OTUD4: variants seen among roughly 807,000 people sequenced by gnomAD.
OTUD4 encodes the protein OTU domain-containing protein 4.
OTUD4 carries 24 observed loss-of-function variants against 130.4 expected under a neutral mutation model. The ratio of observed to expected loss-of-function variants is 0.18; its 90% CI spans 0.13 to 0.26. The LOEUF (loss-of-function observed/expected upper bound fraction) is 0.26, where lower values mean the gene tolerates loss of function less well. Among genes scored for constraint, OTUD4 ranks in the 10% least tolerant of loss-of-function variants. The pLI is 1.00. For synonymous variants in OTUD4, 420 were observed against 472.5 expected, an observed-to-expected ratio of 0.89 and a Z score of 1.44; for missense variants, 1,031 against 1,329.4, an observed-to-expected ratio of 0.78 and a Z score of 3.49.
intron 20 of OTUD4, among the ~76,000 whole-genome samples, chr4:145,139,231 C>T (rs1161888044): frequency 6.6e-6 from 1 of 152,156 alleles, no homozygotes; most frequent in African/African-American, 2.4e-5. Flanking sequence ...TTAAAATCAA[C>T]ATTAAATACA....
chr4:145,174,519 T>C, intron 2 of OTUD4, 142 bp downstream of exon 2: 1 of 584,520 alleles, frequency 1.7e-6, no homozygotes, highest in East Asian at 2.8e-5. Context: ...TAGATTAAGT[T>C]CAATAGAGAA....
Position 145,179,795 on chromosome 4 carries a change from C to T in OTUD4, c.159+20G>A. ...CGTCCCCGCCTCCCCTCGAAGCCCT[C>T]CCCGCCCCCCCGCAATTACCTGCTC... On this transcript the variant is annotated intron_variant, in intron 1 of 20. Coordinates refer to ENST00000447906, the MANE Select transcript of OTUD4 (RefSeq NM_001366057.1). 7.1e-7 allele frequency: 1 copy of T among 1,415,776 alleles called. No individual in the cohort carries two copies. The highest frequency in any genetic ancestry group is 2.1e-5 in the Admixed American group (1 of 48,308). The allele number at this position is 1,415,776 out of a possible 1,614,324, so 87.7% of individuals were successfully genotyped here.
intron 1 of OTUD4, among the ~76,000 whole-genome samples, chr4:145,176,766 G>C (rs973769647): frequency 1.3e-5 from 2 of 152,136 alleles, no homozygotes; most frequent in Admixed American, 6.5e-5. Context: ...AGAGCATTTG[G>C]GAAAAGGGAG....
rs1355689375 is a variant in OTUD4 at position 145,137,271 on chromosome 4, C to T, written c.*159G>A. The T allele has an allele frequency of 1.7e-6, 1 of 595,564 alleles. No homozygotes were observed. The allele number at this position is 595,564 out of a possible 1,614,324, so 36.9% of individuals were successfully genotyped here. A position where few individuals can be genotyped will look rare whatever the true frequency, so the allele number is the denominator to read the frequency against. On this transcript the variant is annotated 3_prime_UTR_variant, in exon 21 of 21. Transcript: ENST00000447906. The stretch of plus-strand genomic sequence containing the variant: ...AGGAATTAACCTGCCCCCTTGAACT[C>T]ATGTCCAAAATGTCTTGTCCAGTAT...
chr4:145,155,812 A>G (rs947365219), intron 8 of OTUD4, 124 bp downstream of exon 8: 1 of 991,108 alleles, frequency 1.0e-6, no homozygotes, highest in Non-Finnish European at 1.5e-6. Context: ...CACCAAATCA[A>G]TTTCTGAGTA....
At position 145,135,454 on chromosome 4, in the gene OTUD4, G is replaced by T. The variant is rs1184856690; in HGVS notation, c.*1976C>A. 1 of 152,118 alleles carries T rather than the reference G, an allele frequency of 6.6e-6. No homozygotes were observed. Among genetic ancestry groups the T allele is most frequent in the African/African-American group, 2.4e-5 (1 of 41,426 alleles). 9.4% of individuals were successfully genotyped at this position (152,118 alleles called of 1,614,324 possible). A position where few individuals can be genotyped will look rare whatever the true frequency, so the allele number is the denominator to read the frequency against. ...CAAACACATTGAACTTTCAAATCTG[G>T]TGTTTGTATCAAAATGTGATTTTCA... On this transcript the variant is annotated 3_prime_UTR_variant, in exon 21 of 21. Transcript: ENST00000447906.
chr4:145,139,804 G>A (rs542370563), intron 20 of OTUD4, 147 bp downstream of exon 20: 5 of 351,492 alleles, frequency 1.4e-5, no homozygotes, highest in East Asian at 8.6e-5. Flanking sequence ...AAAAACAAAC[G>A]ATATAGTACT....
In OTUD4 at chr4:145,135,565, C is replaced by G. The variant is rs1332257062; in HGVS notation, c.*1865G>C. 1.3e-5 allele frequency: 2 copies of G among 152,336 alleles called. No individual in the cohort carries two copies. Among genetic ancestry groups the G allele is most frequent in the Non-Finnish European group, 2.9e-5 (2 of 68,022 alleles). 9.4% of individuals were successfully genotyped at this position (152,336 alleles called of 1,614,324 possible). A position where few individuals can be genotyped will look rare whatever the true frequency, so the allele number is the denominator to read the frequency against. ...ATCTTCTCATTCCTTAACTGAGCCA[C>G]CGATGTTAAGAAAAAAATGGCTTAA... On this transcript the variant is annotated 3_prime_UTR_variant, in exon 21 of 21. Transcript: ENST00000447906.
rs868720796 is a variant in OTUD4, at chr4:145,163,877, T to C, written c.414+277A>G. ...ATGTGCCACCACGCCCGGCTAATTT[T>C]GTATTTTTTCAGTAGAGACAGGGTT... On this transcript the variant is annotated intron_variant, in intron 5 of 20. Transcript: ENST00000447906. Among the ~76,000 whole-genome samples, 6 of 152,106 alleles carry C rather than the reference T, an allele frequency of 3.9e-5. 1 individual carries two copies. Among genetic ancestry groups the C allele is most frequent in the African/African-American group, 7.2e-5 (3 of 41,504 alleles).
intron 18 of OTUD4, among the ~76,000 whole-genome samples, chr4:145,141,930 C>T (rs900244975): frequency 4.6e-5 from 7 of 152,144 alleles, no homozygotes; most frequent in Non-Finnish European, 7.4e-5. Context: ...AGCATCAAAC[C>T]GTGGTGCTAA....
rs1752632471 is a variant in OTUD4, at chr4:145,180,299, G to C, written c.-326C>G. The stretch of plus-strand genomic sequence containing the variant: ...GCCTCGCTGCCTGACTCAGGACCCA[G>C]GCCGGGGGTCGCCGCCCCCACAAGT... On this transcript the variant is annotated 5_prime_UTR_variant, in exon 1 of 21. Coordinates refer to ENST00000447906, the MANE Select transcript of OTUD4 (RefSeq NM_001366057.1). The C allele has an allele frequency of 6.5e-6, 1 of 153,076 alleles. No individual in the cohort carries two copies. Among genetic ancestry groups the C allele is most frequent in the South Asian group, 2.1e-4 (1 of 4,850 alleles). The allele number at this position is 153,076 out of a possible 1,614,324, so 9.5% of individuals were successfully genotyped here. A position where few individuals can be genotyped will look rare whatever the true frequency, so the allele number is the denominator to read the frequency against.
At chr4:145,141,754 C>T (rs935716112) in intron 18 of OTUD4, 115 bp from the exon 19 acceptor site, 8 of 895,566 alleles carry the variant, frequency 8.9e-6, no homozygotes, top group African/African-American at 6.8e-5. Flanking sequence ...TAAAGTAGTA[C>T]CTTTTAGTAT....
chr4:145,157,684 C>CAAAAAAAAAAAAAAAAAAAAAAAAAAAA (rs923938636), intron 7 of OTUD4, among the ~76,000 whole-genome samples: 1 of 44,090 alleles, frequency 2.3e-5, no homozygotes, highest in Non-Finnish European at 4.7e-5. Flanking sequence ...AACTCCGTCT[C>CAAAAAAAAAAAAAAAAAAAAAAAAAAAA]AAAAAAAAAA....
At chr4:145,143,845 A>G (rs1750697173) in intron 16 of OTUD4, 101 bp downstream of exon 16, 1 of 843,806 alleles carries the variant, frequency 1.2e-6, no homozygotes, top group Non-Finnish European at 1.9e-6. Flanking sequence ...ATACACAGCT[A>G]TAAAATTTCG....
At chr4:145,174,370 T>G (rs548365007) in intron 2 of OTUD4, among the ~76,000 whole-genome samples, 5 of 152,030 alleles carry the variant, frequency 3.3e-5, no homozygotes, top group South Asian at 2.1e-4. Flanking sequence ...CAAAGCCCAC[T>G]CTTAGTATGC....
At chr4:145,142,114 G>A in intron 18 of OTUD4, 82 bp downstream of exon 18, 1 of 1,242,350 alleles carries the variant, frequency 8.0e-7, no homozygotes, top group Non-Finnish European at 1.2e-6. Flanking sequence ...CCTGCTCAGA[G>A]GTCAAACTTC....
intron 3 of OTUD4, among the ~76,000 whole-genome samples, chr4:145,165,539 G>GTGAT (rs537964794): frequency 7.7e-4 from 117 of 152,106 alleles, no homozygotes; most frequent in South Asian, 3.7e-3. Context: ...GTGCAGCGGC[G>GTGAT]TGATCTCGGC....
At position 145,137,657 on chromosome 4, in the gene OTUD4, T is replaced by G. The variant is rs1010509118; in HGVS notation, c.3118A>C (p.Lys1040Gln). 2 of 1,613,710 alleles carry G rather than the reference T, an allele frequency of 1.2e-6. No homozygotes were observed. The highest frequency in any genetic ancestry group is 2.7e-5 in the African/African-American group (2 of 74,864). Residue 1040 changes from lysine to glutamine, a missense_variant, in exon 21 of 21, where the codon AAG (lysine) becomes CAG (glutamine). Lys to Gln is a moderately conservative substitution (Grantham distance 53). Coordinates refer to ENST00000447906, the MANE Select transcript of OTUD4 (RefSeq NM_001366057.1). ...VSNILRSGRS[K>Q]QFYNQTYGSR... ...CCATAAGTTTGATTATAGAACTGCT[T>G]GGATCTACCACTTCTCAAAATATTA...
rs1388644208 is a variant in OTUD4 at position 145,180,588 on chromosome 4, G to A, written c.-615C>T. ...TTTCGGCCCGACAGCGGAGAGGACG[G>A]CGGGAGATGTAGTCTTGGCAGCCGC... On this transcript the variant is annotated 5_prime_UTR_variant, in exon 1 of 21. Transcript: ENST00000447906. Among the ~76,000 whole-genome samples the A allele has an allele frequency of 2.6e-5, 4 of 152,324 alleles. No individual in the cohort carries two copies. In the East Asian group the frequency reaches 7.7e-4, roughly 29 times the overall value.
Sources: allele counts gnomAD v4.1 joint callset (sites outside exome capture counted in the v4.1 genomes callset), GRCh38; gene constraint gnomAD v4.1.1; transcripts MANE v1.5; gene names NCBI Gene and HGNC (gene_info 2026-07-23, HGNC 2026-07-21).